PTPRJ: variants seen among roughly 807,000 people sequenced by gnomAD.
PTPRJ encodes receptor-type tyrosine-protein phosphatase eta.
A neutral mutation model predicts 141.3 loss-of-function variants in PTPRJ; 129 were observed. The observed-to-expected ratio is 0.91, with a 90% CI of 0.79 to 1.06. The LOEUF is 1.06. Ranked by LOEUF, PTPRJ falls within the 50% of genes least tolerant of loss-of-function variation. The pLI is 0.00. For missense variants in PTPRJ, 1,601 were observed against 1,679.7 expected (o/e 0.95, Z 0.82); for synonymous variants, 610 against 640.5 (o/e 0.95, Z 0.72).
chr11:48,035,067 C>T (rs929974803), intron 1 of PTPRJ, among the ~76,000 whole-genome samples: 10 of 152,186 alleles, frequency 6.6e-5, no homozygotes, highest in African/African-American at 2.2e-4. Context: ...GCACAGTGGC[C>T]GTCCTCCAAG....
chr11:48,159,879 T>C (rs768405213), intron 21 of PTPRJ, 51 bp from the exon 22 acceptor site: 2 of 1,606,006 alleles, frequency 1.2e-6, no homozygotes, highest in Admixed American at 1.7e-5. Flanking sequence ...GTTTTAGTGA[T>C]GGCAGATGGC....
intron 4 of PTPRJ, among the ~76,000 whole-genome samples, chr11:48,122,342 G>T (rs566676444): frequency 6.6e-6 from 1 of 152,322 alleles, no homozygotes; most frequent in South Asian, 2.1e-4. Flanking sequence ...GGTGGCTGTG[G>T]GAAAGGGGAT....
Position 47,986,968 on chromosome 11 carries a change from C to A in PTPRJ, c.96+5960C>A, listed in dbSNP as rs562369276. Among the ~76,000 whole-genome samples, 3 of 152,148 alleles carry A rather than the reference C, an allele frequency of 2.0e-5. No individual in the cohort carries two copies. The East Asian group carries it at 5.8e-4, about 29-fold the overall frequency. On this transcript the variant is annotated intron_variant, in intron 1 of 24. Coordinates refer to ENST00000418331, the MANE Select transcript of PTPRJ (RefSeq NM_002843.4). ...GGGTGACTCATTCCTTTAATCTCAG[C>A]ACTTTGGAAGGCAGAGGTGGGAGGA...
intron 1 of PTPRJ, among the ~76,000 whole-genome samples, chr11:47,986,006 A>AT (rs1477763189): frequency 1.3e-5 from 2 of 152,000 alleles, no homozygotes; most frequent in Non-Finnish European, 2.9e-5. Flanking sequence ...TGGCCCAGAC[A>AT]TTTTTTAGAC....
intron 2 of PTPRJ, among the ~76,000 whole-genome samples, chr11:48,110,973 A>T (rs1416155323): frequency 6.6e-6 from 1 of 152,196 alleles, no homozygotes; most frequent in Non-Finnish European, 1.5e-5. Flanking sequence ...TTTGGTCATA[A>T]AACATTTCTA....
At chr11:48,099,986 G>C (rs1055436225) in intron 1 of PTPRJ, among the ~76,000 whole-genome samples, 1 of 152,116 alleles carries the variant, frequency 6.6e-6, no homozygotes, top group Admixed American at 6.5e-5. Flanking sequence ...GCCCACCCTT[G>C]GACTTTCTTG....
At chr11:48,077,134 A>G (rs1165458450) in intron 1 of PTPRJ, among the ~76,000 whole-genome samples, 1 of 152,154 alleles carries the variant, frequency 6.6e-6, no homozygotes, top group Admixed American at 6.5e-5. Flanking sequence ...CCAAAGTGGT[A>G]GGATTATAGG....
At chr11:48,111,418 G>A (rs1290932229) in intron 2 of PTPRJ, among the ~76,000 whole-genome samples, 3 of 148,898 alleles carry the variant, frequency 2.0e-5, no homozygotes, top group East Asian at 3.9e-4. Context: ...TTCCTGATTG[G>A]TAAAATCTCA....
rs182128694 is a variant in PTPRJ, at chr11:48,062,500, G to A, written c.97-47558G>A. Among the ~76,000 whole-genome samples, 244 of 151,708 alleles carry A rather than the reference G, an allele frequency of 1.6e-3. 1 individual carries two copies. Among genetic ancestry groups the A allele is most frequent in the Non-Finnish European group, 1.8e-3 (120 of 67,880 alleles). ...TGCACTCCAGCCTGGGCGACAGAGC[G>A]AGACTCCATCTCAAAAAAAAAACCA... On this transcript the variant is annotated intron_variant, in intron 1 of 24. Coordinates refer to ENST00000418331, the MANE Select transcript of PTPRJ (RefSeq NM_002843.4).
At chr11:48,078,960 A>G (rs1483806983) in intron 1 of PTPRJ, among the ~76,000 whole-genome samples, 1 of 152,056 alleles carries the variant, frequency 6.6e-6, no homozygotes, top group Non-Finnish European at 1.5e-5. Context: ...GGCTCTTTCC[A>G]GAAAAAATCA....
At position 48,127,790 on chromosome 11, in the gene PTPRJ, G is replaced by A. The variant is rs1856877274; in HGVS notation, c.1104G>A (p.Gln368=). 1.2e-6 allele frequency: 2 copies of A among 1,613,962 alleles called. No individual in the cohort carries two copies. The highest frequency in any genetic ancestry group is 1.7e-6 in the Non-Finnish European group (2 of 1,179,970). Residue 368 remains glutamine (Q), a synonymous_variant, in exon 7 of 25, where the codon CAG becomes CAA. Transcript: ENST00000418331. ...QAIEFRTNAI[Q]VFDVTAVNIS... is the part of the protein sequence containing the mutation. The stretch of plus-strand genomic sequence containing the variant: ...CTTGTGTTCTCACAGATGCTATTCA[G>A]GTTTTTGACGTCACCGCTGTGAACA...
chr11:47,996,456 G>A (rs1174249944), intron 1 of PTPRJ, among the ~76,000 whole-genome samples: 1 of 152,070 alleles, frequency 6.6e-6, no homozygotes, highest in Admixed American at 6.6e-5. Flanking sequence ...ATCTGCACAG[G>A]GACTTGAGCC....
rs184451413 is a variant in PTPRJ at position 48,137,080 on chromosome 11, G to T, written c.1951G>T (p.Ala651Ser). 2.5e-6 allele frequency: 4 copies of T among 1,603,982 alleles called. No individual in the cohort carries two copies. Among genetic ancestry groups the T allele is most frequent in the South Asian group, 1.1e-5 (1 of 90,868 alleles). ...ATLSWQNFDD[A>S]SPTYSYCLLI... ...TTTAAGTTGGCAGAACTTTGATGAC[G>T]CCTCTCCCACGTACTCCTACTGCCT... The change falls in exon 10 of 25, where the codon GCC (alanine) becomes TCC (serine). Residue 651 changes from alanine to serine, a missense_variant. Coordinates refer to ENST00000418331, the MANE Select transcript of PTPRJ (RefSeq NM_002843.4).
chr11:48,159,097 G>GGTGTGT (rs386373794), intron 21 of PTPRJ, among the ~76,000 whole-genome samples: 7 of 139,744 alleles, frequency 5.0e-5, no homozygotes, highest in African/African-American at 1.9e-4. Context: ...GTGTATGTGG[G>GGTGTGT]GTGTGTGTGT....
chr11:48,076,866 T>C (rs2134279964), intron 1 of PTPRJ, among the ~76,000 whole-genome samples: 1 of 152,208 alleles, frequency 6.6e-6, no homozygotes, highest in South Asian at 2.1e-4. Flanking sequence ...TTTCTTTTTC[T>C]TTTTCTTTTT....
intron 1 of PTPRJ, among the ~76,000 whole-genome samples, chr11:48,069,222 C>A (rs1855169076): frequency 1.3e-5 from 2 of 151,706 alleles, no homozygotes; most frequent in African/African-American, 2.4e-5. Context: ...GCCTCAGCCT[C>A]CCGAGTAGCT....
rs1031113799 is a variant in PTPRJ at position 47,980,633 on chromosome 11, G to C, written c.-280G>C. On this transcript the variant is annotated 5_prime_UTR_variant, in exon 1 of 25. Coordinates refer to ENST00000418331, the MANE Select transcript of PTPRJ (RefSeq NM_002843.4). ...GCCGGGACCGGGTAGCCGCGCGCTG[G>C]GGGTGGGCGCCGCTCGCTCCGCCCC... The C allele has an allele frequency of 3.0e-6, 3 of 983,936 alleles. No homozygotes were observed. Among genetic ancestry groups the C allele is most frequent in the Non-Finnish European group, 3.6e-6 (3 of 830,010 alleles). 61.0% of individuals were successfully genotyped at this position (983,936 alleles called of 1,614,324 possible).
rs1856782738 is a variant in PTPRJ at position 48,124,236 on chromosome 11, A to G, written c.874+366A>G. Reference sequence around the variant, plus strand: ...TGGCGTTGTCATTTGCAGGTTTCATAGCATTTGCAGAGGATCCCCAGGATA... The same window carrying G: ...TGGCGTTGTCATTTGCAGGTTTCATGGCATTTGCAGAGGATCCCCAGGATA... On this transcript the variant is annotated intron_variant, in intron 5 of 24. Transcript: ENST00000418331. 2.0e-5 allele frequency among the ~76,000 whole-genome samples: 3 copies of G among 152,208 alleles called. No homozygotes were observed. The South Asian group carries it at 6.2e-4, about 31-fold the overall frequency.
chr11:48,053,424 G>A (rs1264696535), intron 1 of PTPRJ, among the ~76,000 whole-genome samples: 83 of 93,690 alleles, frequency 8.9e-4, no homozygotes, highest in African/African-American at 3.2e-3. Flanking sequence ...AAATATATAT[G>A]TATAAAATAT....
Sources: allele counts gnomAD v4.1 joint callset (sites outside exome capture counted in the v4.1 genomes callset), GRCh38; gene constraint gnomAD v4.1.1; transcripts MANE v1.5; gene names NCBI Gene and HGNC (gene_info 2026-07-23, HGNC 2026-07-21).